KIAA1217: variants seen among roughly 807,000 people sequenced by gnomAD.
The protein encoded by KIAA1217 is sickle tail protein homolog.
KIAA1217 carries 88 observed loss-of-function variants against 163.9 expected under a neutral mutation model. That is an observed-to-expected ratio of 0.54 (90% CI 0.45 to 0.64). The LOEUF is 0.64. Among genes scored for constraint, KIAA1217 ranks in the 30% least tolerant of loss-of-function variants. The probability of loss-of-function intolerance (pLI) is 0.00; values close to 1 mark genes in which losing one functional copy is unlikely to be tolerated. For synonymous variants in KIAA1217, 903 were observed against 923.1 expected, an observed-to-expected ratio of 0.98 and a Z score of 0.39; for missense variants, 2,372 against 2,475.0, an observed-to-expected ratio of 0.96 and a Z score of 0.88.
intron 15 of KIAA1217, 101 bp downstream of exon 15, chr10:24,532,094 G>A (rs949716235): frequency 8.3e-5 from 92 of 1,105,154 alleles, no homozygotes; most frequent in Admixed American, 1.9e-4. Flanking sequence ...AGGCAGAGAA[G>A]TAGTAACTCG....
intron 1 of KIAA1217, among the ~76,000 whole-genome samples, chr10:23,869,143 T>G (rs1369197793): frequency 4.1e-5 from 6 of 144,830 alleles, no homozygotes; most frequent in East Asian, 2.0e-4. Context: ...TTTTTTTTTT[T>G]TTTTTTTTTT....
intron 5 of KIAA1217, among the ~76,000 whole-genome samples, chr10:24,469,746 G>A (rs1382546843): frequency 6.6e-6 from 1 of 152,086 alleles, no homozygotes; most frequent in African/African-American, 2.4e-5. Context: ...CGAGTAGCTA[G>A]GACTACAGGT....
chr10:24,029,845 A>G (rs1481553928), intron 2 of KIAA1217, among the ~76,000 whole-genome samples: 1 of 152,148 alleles, frequency 6.6e-6, no homozygotes, highest in Non-Finnish European at 1.5e-5. Context: ...TCACACGGGC[A>G]TGTAGTATCA....
chr10:24,547,056 C>CTTTTTTTTTTTTTTTTTTTTTTTT lies in KIAA1217; in HGVS notation c.*748_*749insTTTTTTTTTTTTTTTTTTTTTTTT. The CTTTTTTTTTTTTTTTTTTTTTTTT allele has an allele frequency of 7.8e-6, 1 of 127,946 alleles. No individual in the cohort carries two copies. The highest frequency in any genetic ancestry group is 1.6e-5 in the Non-Finnish European group (1 of 62,538). 7.9% of individuals were successfully genotyped at this position (127,946 alleles called of 1,614,324 possible). A position where few individuals can be genotyped will look rare whatever the true frequency, so the allele number is the denominator to read the frequency against. ...GCTTCTTTTCTTTCTTTTTTCCTTCCTTTTTTTTTTTTTTTTCTTTTTTAA... is the reference window on the plus strand; with the variant it reads ...GCTTCTTTTCTTTCTTTTTTCCTTCCTTTTTTTTTTTTTTTTTTTTTTTTTTTTTTTTTTTTTTTTCTTTTTTAA... On this transcript the variant is annotated 3_prime_UTR_variant, in exon 21 of 21. Transcript: ENST00000376454.
rs143044755 is a variant in KIAA1217, at chr10:24,418,456, A to G, written c.554-14539A>G. On this transcript the variant is annotated intron_variant, in intron 3 of 20. Coordinates refer to ENST00000376454, the MANE Select transcript of KIAA1217 (RefSeq NM_019590.5). ...AATAGTAGAAAATAAATCTTGAACA[A>G]TAAAATTTATACACTTCACATTGAT... 5.3e-4 allele frequency among the ~76,000 whole-genome samples: 81 copies of G among 152,336 alleles called. 1 individual carries two copies. Among genetic ancestry groups the G allele is most frequent in the Admixed American group, 9.1e-4 (14 of 15,310 alleles).
intron 2 of KIAA1217, among the ~76,000 whole-genome samples, chr10:24,322,607 C>A (rs1259992451): frequency 6.6e-6 from 1 of 152,140 alleles, no homozygotes; most frequent in Non-Finnish European, 1.5e-5. Flanking sequence ...ACATATACAC[C>A]TACTGTGTAC....
At chr10:24,435,713 A>G (rs2059963828) in intron 4 of KIAA1217, among the ~76,000 whole-genome samples, 1 of 152,216 alleles carries the variant, frequency 6.6e-6, no homozygotes, top group Non-Finnish European at 1.5e-5. Context: ...TCACAAAATA[A>G]AAGAAATGAG....
At chr10:23,955,836 G>C (rs1844536099) in intron 1 of KIAA1217, among the ~76,000 whole-genome samples, 1 of 151,990 alleles carries the variant, frequency 6.6e-6, no homozygotes, top group Non-Finnish European at 1.5e-5. Flanking sequence ...ATTCCCTTTC[G>C]GTTCATTTTA....
At chr10:24,510,870 G>T (rs2069020843) in intron 9 of KIAA1217, among the ~76,000 whole-genome samples, 1 of 152,146 alleles carries the variant, frequency 6.6e-6, no homozygotes, top group African/African-American at 2.4e-5. Context: ...ACCATTTAGA[G>T]AAGAATTTTG....
chr10:23,811,708 T>C (rs1258419101), intron 1 of KIAA1217, among the ~76,000 whole-genome samples: 1 of 151,890 alleles, frequency 6.6e-6, no homozygotes, highest in Non-Finnish European at 1.5e-5. Context: ...AGTGGGAGAC[T>C]GGAACATGAA....
At chr10:24,311,991 A>T (rs2042759786) in intron 2 of KIAA1217, among the ~76,000 whole-genome samples, 1 of 152,118 alleles carries the variant, frequency 6.6e-6, no homozygotes, top group South Asian at 2.1e-4. Flanking sequence ...ACTTTCCTCG[A>T]GGTGGAATTT....
chr10:23,762,949 C>T (rs1487606205), intron 1 of KIAA1217, among the ~76,000 whole-genome samples: 1 of 152,162 alleles, frequency 6.6e-6, no homozygotes, highest in Non-Finnish European at 1.5e-5. Flanking sequence ...GTGCAAACAT[C>T]ACAAGCATTC....
chr10:24,546,148 C>T lies in KIAA1217; in HGVS notation c.5656C>T (p.Arg1886Ter). The T allele has an allele frequency of 1.2e-6, 2 of 1,614,126 alleles. No individual in the cohort carries two copies. Among genetic ancestry groups the T allele is most frequent in the Non-Finnish European group, 8.5e-7 (1 of 1,180,020 alleles). The change falls in exon 21 of 21, where the codon CGA becomes TGA. Residue 1886 changes from arginine (R) to a stop codon, truncating the protein, a stop_gained. Transcript: ENST00000376454. LOFTEE classifies it high-confidence loss of function. ...LSFSPQSQNGRAPPPLSFSSS... is the reference protein window; with the variant it reads ...LSFSPQSQNG ...ATTCTCACCGCAGAGTCAAAATGGC[C>T]GAGCACCCCCTCCTTTGTCATTTTC...
chr10:23,873,823 G>C (rs544441682), intron 1 of KIAA1217, among the ~76,000 whole-genome samples: 22 of 151,962 alleles, frequency 1.4e-4, no homozygotes, highest in South Asian at 8.3e-4. Flanking sequence ...TGTAAGTCAG[G>C]AAAATATCAG....
chr10:23,959,090 G>C, intron 1 of KIAA1217, among the ~76,000 whole-genome samples: 1 of 151,896 alleles, frequency 6.6e-6, no homozygotes, highest in East Asian at 1.9e-4. Flanking sequence ...AGAAGGAAAA[G>C]GTGAGGCAAA....
chr10:24,469,140 T>G lies in KIAA1217; in HGVS notation c.847-4088T>G, dbSNP rs898515069. 2.6e-5 allele frequency among the ~76,000 whole-genome samples: 4 copies of G among 152,294 alleles called. No individual in the cohort carries two copies. The East Asian group carries it at 7.7e-4, about 29-fold the overall frequency. On this transcript the variant is annotated intron_variant, in intron 5 of 20. Coordinates refer to ENST00000376454, the MANE Select transcript of KIAA1217 (RefSeq NM_019590.5). Reference sequence around the variant, plus strand: ...TTTATTTTATTTTACTTTATTTTATTGGAGACAGAGAGTCTTGCTGTGTCG... The same window carrying G: ...TTTATTTTATTTTACTTTATTTTATGGGAGACAGAGAGTCTTGCTGTGTCG...
intron 2 of KIAA1217, among the ~76,000 whole-genome samples, chr10:24,258,693 C>T (rs938319974): frequency 7.9e-5 from 12 of 151,744 alleles, no homozygotes; most frequent in Non-Finnish European, 1.6e-4. Flanking sequence ...CCCGGGTTCA[C>T]GCCATTCTCC....
At chr10:24,039,048 ATTG>A (rs1431290876) in intron 2 of KIAA1217, among the ~76,000 whole-genome samples, 1 of 152,202 alleles carries the variant, frequency 6.6e-6, no homozygotes, top group Non-Finnish European at 1.5e-5. Flanking sequence ...CCAGCTGAAA[ATTG>A]TTGTTGTAAA....
chr10:24,368,986 A>T (rs1202831624), intron 2 of KIAA1217: 2 of 421,868 alleles, frequency 4.7e-6, no homozygotes, highest in Non-Finnish European at 6.3e-6. Flanking sequence ...GAAAGGTTTC[A>T]TATGGAGTTG....
Sources: allele counts gnomAD v4.1 joint callset (sites outside exome capture counted in the v4.1 genomes callset), GRCh38; gene constraint gnomAD v4.1.1; transcripts MANE v1.5; gene names NCBI Gene and HGNC (gene_info 2026-07-23, HGNC 2026-07-21).